XRCC4: variants seen among roughly 807,000 people sequenced by gnomAD.
The protein encoded by XRCC4 is X-ray repair cross complementing 4, also known as DNA repair protein XRCC4.
In XRCC4, 28 loss-of-function variants were observed where a neutral mutation model predicts 39.1. That is an observed-to-expected ratio of 0.72 (90% CI 0.53 to 0.98). XRCC4 has a LOEUF of 0.98. Ranked by LOEUF, XRCC4 falls within the 50% of genes least tolerant of loss-of-function variation. The pLI, the probability that XRCC4 is intolerant of heterozygous loss-of-function variation, is 0.00. For missense variants in XRCC4, 350 were observed against 376.4 expected (o/e 0.93, Z 0.58); for synonymous variants, 123 against 126.4 (o/e 0.97, Z 0.18).
At chr5:83,337,487 CTG>C (rs1756628785) in intron 7 of XRCC4, among the ~76,000 whole-genome samples, 1 of 152,136 alleles carries the variant, frequency 6.6e-6, no homozygotes, top group Non-Finnish European at 1.5e-5. Flanking sequence ...TGAGACTTCC[CTG>C]TAGCAAGGAA....
At chr5:83,116,917 C>T (rs1194183731) in intron 3 of XRCC4, among the ~76,000 whole-genome samples, 1 of 152,016 alleles carries the variant, frequency 6.6e-6, no homozygotes, top group African/African-American at 2.4e-5. Context: ...TCACTGTGCC[C>T]AGCCAGAATT....
At chr5:83,337,344 A>G (rs1415468227) in intron 7 of XRCC4, among the ~76,000 whole-genome samples, 2 of 152,174 alleles carry the variant, frequency 1.3e-5, no homozygotes, top group East Asian at 3.9e-4. Flanking sequence ...GGTAGTTTCA[A>G]TATGTGTGGG....
At chr5:83,163,110 C>T (rs1749299057) in intron 3 of XRCC4, among the ~76,000 whole-genome samples, 1 of 151,818 alleles carries the variant, frequency 6.6e-6, no homozygotes, top group African/African-American at 2.4e-5. Context: ...CCACATCTGG[C>T]TAATTTTTGT....
chr5:83,248,861 T>C (rs1022133122), intron 6 of XRCC4, among the ~76,000 whole-genome samples: 1 of 152,146 alleles, frequency 6.6e-6, no homozygotes, highest in Non-Finnish European at 1.5e-5. Context: ...GTTGAAAATT[T>C]TGAAAAATCA....
intron 3 of XRCC4, among the ~76,000 whole-genome samples, chr5:83,167,385 TTC>T (rs1749533202): frequency 6.6e-6 from 1 of 152,190 alleles, no homozygotes; most frequent in Non-Finnish European, 1.5e-5. Flanking sequence ...TTGCATGAGA[TTC>T]TGACAGTACA....
chr5:83,255,487 G>C (rs188911847), intron 6 of XRCC4, among the ~76,000 whole-genome samples: 246 of 152,196 alleles, frequency 1.6e-3, no homozygotes, highest in African/African-American at 5.6e-3. Flanking sequence ...TCATAATGTG[G>C]TGAACTGGCC....
chr5:83,238,406 A>G (rs771483040), intron 6 of XRCC4, among the ~76,000 whole-genome samples: 13 of 152,180 alleles, frequency 8.5e-5, no homozygotes, highest in Admixed American at 4.6e-4. Flanking sequence ...TGGGAGAAAC[A>G]ATAAGCCTTC....
rs1039395931 is a variant in XRCC4, at chr5:83,079,370, T to C, written c.-11+1755T>C. On this transcript the variant is annotated intron_variant, in intron 1 of 7. Coordinates refer to ENST00000396027, the MANE Select transcript of XRCC4 (RefSeq NM_003401.5). ...TTTGGGAGGTGGTAGTTTAGCTCCA[T>C]TGTCTTACATAAACCCCCTACTTTT... Among the ~76,000 whole-genome samples the C allele has an allele frequency of 4.6e-5, 7 of 152,146 alleles. No individual in the cohort carries two copies. The East Asian group carries it at 1.3e-3, about 29-fold the overall frequency.
rs531360023 is a variant in XRCC4, at chr5:83,276,083, A to G, written c.893+17406A>G. Among the ~76,000 whole-genome samples, 6 of 152,322 alleles carry G rather than the reference A, an allele frequency of 3.9e-5. No individual in the cohort carries two copies. In the East Asian group the frequency reaches 7.7e-4, roughly 20 times the overall value. ...TTTGACTTTATGATGGTACAAAAGC[A>G]ATATACATTCAGTAGAAACTCTACT... On this transcript the variant is annotated intron_variant, in intron 7 of 7. Transcript: ENST00000396027.
At chr5:83,302,525 T>C (rs546769258) in intron 7 of XRCC4, among the ~76,000 whole-genome samples, 12 of 152,274 alleles carry the variant, frequency 7.9e-5, no homozygotes, top group Non-Finnish European at 1.0e-4. Flanking sequence ...CTGCACCCAC[T>C]GTCTAACCAG....
chr5:83,230,424 G>A (rs1752454706), intron 6 of XRCC4, among the ~76,000 whole-genome samples: 1 of 152,028 alleles, frequency 6.6e-6, no homozygotes, highest in South Asian at 2.1e-4. Context: ...CCACACTCAC[G>A]TAAATAATTT....
At position 83,241,976 on chromosome 5, in the gene XRCC4, G is replaced by A. The variant is rs910859159; in HGVS notation, c.746-16554G>A. 4.6e-5 allele frequency among the ~76,000 whole-genome samples: 7 copies of A among 151,922 alleles called. No homozygotes were observed. The East Asian group carries it at 1.4e-3, about 29-fold the overall frequency. The stretch of plus-strand genomic sequence containing the variant: ...AGGAAGAGGAGGAGGAGGAGGAGGA[G>A]GAGGAGGCGGAAGGGTTGGTCTTGC... On this transcript the variant is annotated intron_variant, in intron 6 of 7. Coordinates refer to ENST00000396027, the MANE Select transcript of XRCC4 (RefSeq NM_003401.5).
intron 7 of XRCC4, among the ~76,000 whole-genome samples, chr5:83,309,111 C>T (rs1380628468): frequency 6.7e-6 from 1 of 149,736 alleles, no homozygotes; most frequent in Non-Finnish European, 1.5e-5. Flanking sequence ...AACGCTGTCT[C>T]TACTAAAAAT....
chr5:83,086,776 C>T (rs926761004), intron 1 of XRCC4, among the ~76,000 whole-genome samples: 3 of 151,720 alleles, frequency 2.0e-5, no homozygotes, highest in African/African-American at 7.3e-5. Context: ...CAGTTTTTAT[C>T]TAGTTTTTTT....
chr5:83,259,008 G>T lies in XRCC4; in HGVS notation c.893+331G>T, dbSNP rs1753657278. 1.4e-5 allele frequency: 3 copies of T among 208,744 alleles called. No homozygotes were observed. In the South Asian group the frequency reaches 2.3e-4, roughly 16 times the overall value. 12.9% of individuals were successfully genotyped at this position (208,744 alleles called of 1,614,324 possible). On this transcript the variant is annotated intron_variant, in intron 7 of 7. Transcript: ENST00000396027. ...TCAATCTAATTTACTGCTTGAAAGAGACCCGTATGGCATTCAAATTAGCCA... is the reference window on the plus strand; with the variant it reads ...TCAATCTAATTTACTGCTTGAAAGATACCCGTATGGCATTCAAATTAGCCA...
At chr5:83,208,600 G>A (rs1751510549) in intron 6 of XRCC4, among the ~76,000 whole-genome samples, 1 of 151,796 alleles carries the variant, frequency 6.6e-6, no homozygotes, top group Admixed American at 6.6e-5. Context: ...TAGGATTACT[G>A]AGGAAATAAC....
At chr5:83,200,299 C>T (rs974276453) in intron 4 of XRCC4, among the ~76,000 whole-genome samples, 5 of 152,078 alleles carry the variant, frequency 3.3e-5, no homozygotes, top group African/African-American at 4.8e-5. Context: ...AGTCAGCTCC[C>T]GCTCCCCCAC....
intron 7 of XRCC4, among the ~76,000 whole-genome samples, chr5:83,352,227 C>T (rs10805813): frequency 5.3e-5 from 8 of 152,038 alleles, no homozygotes; most frequent in Non-Finnish European, 1.2e-4. Context: ...ACTCTACCCC[C>T]GCCTTTGAAC....
rs777785554 is a variant in XRCC4 at position 83,077,578 on chromosome 5, G to A, written c.-48G>A. The stretch of plus-strand genomic sequence containing the variant: ...TGCAAAACCTTGATCTGTGAAAGCG[G>A]GCGTTTTGGAAGATACCGGAAGTAG... On this transcript the variant is annotated 5_prime_UTR_variant, in exon 1 of 8. Coordinates refer to ENST00000396027, the MANE Select transcript of XRCC4 (RefSeq NM_003401.5). 1.1e-5 allele frequency: 6 copies of A among 525,892 alleles called. No homozygotes were observed. The highest frequency in any genetic ancestry group is 2.1e-5 in the Non-Finnish European group (6 of 290,830). 32.6% of individuals were successfully genotyped at this position (525,892 alleles called of 1,614,324 possible). A position where few individuals can be genotyped will look rare whatever the true frequency, so the allele number is the denominator to read the frequency against.
Sources: allele counts gnomAD v4.1 joint callset (sites outside exome capture counted in the v4.1 genomes callset), GRCh38; gene constraint gnomAD v4.1.1; transcripts MANE v1.5; gene names NCBI Gene and HGNC (gene_info 2026-07-23, HGNC 2026-07-21).